Variants in LGI4 observed in about 807,000 individuals in gnomAD.
LGI4 encodes leucine-rich repeat LGI family member 4.
In LGI4, 36 loss-of-function variants were observed where a neutral mutation model predicts 48.3. The ratio of observed to expected loss-of-function variants is 0.75; its 90% CI spans 0.57 to 0.98. The LOEUF is 0.98. Ranked by LOEUF, LGI4 falls within the 50% of genes least tolerant of loss-of-function variation. The probability of loss-of-function intolerance (pLI) is 0.00; values close to 1 mark genes in which losing one functional copy is unlikely to be tolerated. For missense variants in LGI4, 701 were observed against 732.1 expected (o/e 0.96, Z 0.49); for synonymous variants, 355 against 331.6 (o/e 1.07, Z -0.77).
rs1442744831 is a variant in LGI4, at chr19:35,126,350, C to T, written c.1219G>A (p.Glu407Lys). 2 of 1,611,516 alleles carry T rather than the reference C, an allele frequency of 1.2e-6. No individual in the cohort carries two copies. The highest frequency in any genetic ancestry group is 1.3e-5 in the African/African-American group (1 of 74,914). The change falls in exon 8 of 9, where the codon GAG becomes AAG. Residue 407 changes from glutamate (E) to lysine (K), a missense_variant. Physicochemically the swap from Glu to Lys is moderately conservative, Grantham distance 56. Transcript: ENST00000310123. ...AAGTGGCGTGTGGCATAGACATCCT[C>T]GGCCTCGGGGATGTCTGTGCGTCTC... ...FERRTDIPEA[E>K]DVYATRHFQA...
chr19:35,132,996 A>G (rs928850313), intron 3 of LGI4, among the ~76,000 whole-genome samples: 1 of 152,062 alleles, frequency 6.6e-6, no homozygotes, highest in Non-Finnish European at 1.5e-5. Flanking sequence ...CAACACCAAT[A>G]CTGTAATGAC....
At chr19:35,127,044 G>A (rs1329150878) in intron 6 of LGI4, 27 bp from the exon 7 acceptor site, 1 of 1,553,476 alleles carries the variant, frequency 6.4e-7, no homozygotes, top group Non-Finnish European at 8.7e-7. Context: ...GAGTCAGGCA[G>A]GCCCCAGGAC....
intron 6 of LGI4, chr19:35,131,029 G>C (rs2065170694): frequency 1.6e-5 from 9 of 579,814 alleles, no homozygotes; most frequent in Non-Finnish European, 2.7e-5. Flanking sequence ...TCAATGTAAA[G>C]GAGGTGACAT....
Position 35,126,890 on chromosome 19 carries a change from G to A in LGI4, c.756C>T (p.Tyr252=), listed in dbSNP as rs1214783044. 2 of 1,613,354 alleles carry A rather than the reference G, an allele frequency of 1.2e-6. No homozygotes were observed. Among genetic ancestry groups the A allele is most frequent in the Non-Finnish European group, 8.5e-7 (1 of 1,179,914 alleles). ...CCTCGGGCCGGAAGCGCTGCAGGCT[G>A]TAGTCCCAGGAGAGAATCAGGCAGC... ...AGRCLILSWD[Y]SLQRFRPEEE... is the part of the protein sequence containing the mutation. The change falls in exon 7 of 9, where the codon TAC becomes TAT. Residue 252 remains tyrosine (Y), a synonymous_variant. Transcript: ENST00000310123.
At chr19:35,134,434 C>T in intron 1 of LGI4, 77 bp downstream of exon 1, 1 of 1,451,488 alleles carries the variant, frequency 6.9e-7, no homozygotes, top group East Asian at 2.5e-5. Context: ...CCCTGGAGAC[C>T]CGGCACCACA....
intron 2 of LGI4, 98 bp from the exon 3 acceptor site, chr19:35,133,862 G>A (rs901611521): frequency 1.5e-5 from 21 of 1,371,206 alleles, no homozygotes; most frequent in African/African-American, 2.9e-5. Flanking sequence ...GCATGGGCAC[G>A]CAGGTGTGAG....
At chr19:35,127,324 G>A (rs2065147303) in intron 6 of LGI4, among the ~76,000 whole-genome samples, 1 of 152,116 alleles carries the variant, frequency 6.6e-6, no homozygotes, top group African/African-American at 2.4e-5. Context: ...TGAGACTACA[G>A]GTGTGTGCTA....
chr19:35,126,312 C>T lies in LGI4; in HGVS notation c.1257G>A (p.Gly419=). 1 of 1,611,956 alleles carries T rather than the reference C, an allele frequency of 6.2e-7. No individual in the cohort carries two copies. The highest frequency in any genetic ancestry group is 8.5e-7 in the Non-Finnish European group (1 of 1,179,552). The change falls in exon 8 of 9, where the codon GGG becomes GGA. Residue 419 remains glycine (G), a synonymous_variant. Coordinates refer to ENST00000310123, the MANE Select transcript of LGI4 (RefSeq NM_139284.3). ...AGCGTGTGAGGCACAGGAACACGTC[C>T]CCACCAGCCTGGAAGTGGCGTGTGG... is the stretch of plus-strand genomic sequence containing the variant. ...VYATRHFQAG[G]DVFLCLTRYI...
chr19:35,132,438 A>C (rs2065182170), intron 3 of LGI4, among the ~76,000 whole-genome samples: 1 of 150,590 alleles, frequency 6.6e-6, no homozygotes, highest in Non-Finnish European at 1.5e-5. Flanking sequence ...ATACCCTGCC[A>C]CCACCATCAC....
chr19:35,133,877 T>C (rs2065191830), intron 2 of LGI4, 113 bp from the exon 3 acceptor site: 2 of 1,328,334 alleles, frequency 1.5e-6, no homozygotes, highest in Admixed American at 4.0e-5. Flanking sequence ...TGTGAGTATG[T>C]GCATGGACAC....
chr19:35,134,478 C>A, intron 1 of LGI4, 33 bp downstream of exon 1: 1 of 1,559,456 alleles, frequency 6.4e-7, no homozygotes, highest in East Asian at 2.4e-5. Flanking sequence ...CTTCCGTCCC[C>A]ACCTTCGGGC....
rs369943058 is a variant in LGI4, at chr19:35,134,593, G to A, written c.88C>T (p.Arg30Cys). Reference sequence around the variant, plus strand: ...GCGCTGTCTTTAGAGCAGGAGCAGCGCAGGGGACACTTTCCCTTTGGGGGT... The same window carrying A: ...GCGCTGTCTTTAGAGCAGGAGCAGCACAGGGGACACTTTCCCTTTGGGGGT... ...WRPPKGKCPL[R>C]CSCSKDSALC... The change falls in exon 1 of 9, where the codon CGC becomes TGC. Residue 30 changes from arginine (R) to cysteine (C), a missense_variant. Arg to Cys is a radical substitution (Grantham distance 180). This residue lies in a region of LGI4 where 462 missense variants were observed against 436.4 expected (regional missense o/e 1.06). Coordinates refer to ENST00000310123, the MANE Select transcript of LGI4 (RefSeq NM_139284.3). The A allele has an allele frequency of 2.1e-5, 34 of 1,586,010 alleles. No individual in the cohort carries two copies. Among genetic ancestry groups the A allele is most frequent in the Middle Eastern group, 1.7e-4 (1 of 5,902 alleles).
intron 1 of LGI4, 92 bp downstream of exon 1, chr19:35,134,419 T>C (rs1355125323): frequency 2.6e-5 from 35 of 1,321,322 alleles, no homozygotes; most frequent in Non-Finnish European, 3.6e-5. Flanking sequence ...GATGGGCCCC[T>C]GTTTCCCTGG....
chr19:35,125,821 T>C (rs1183342879), intron 8 of LGI4: 1 of 605,502 alleles, frequency 1.7e-6, no homozygotes, highest in African/African-American at 1.8e-5. Flanking sequence ...CCCTGGCCTC[T>C]AGGCTCCTCT....
In LGI4 at chr19:35,125,277, C is replaced by T. The variant is rs759027423; in HGVS notation, c.1530G>A (p.Met510Ile). Residue 510 changes from methionine to isoleucine, a missense_variant, in exon 9 of 9, where the codon ATG becomes ATA. This residue lies in a region of LGI4 where 223 missense variants were observed against 263.3 expected (regional missense o/e 0.85). Transcript: ENST00000310123. ...VAPRAFAHIT[M>I]AGRRFLFAAC... ...CAGCAAAGAGGAAGCGTCTGCCGGC[C>T]ATAGTGATGTGGGCAAAGGCACGGG... The T allele has an allele frequency of 5.0e-6, 8 of 1,604,094 alleles. No homozygotes were observed. The Admixed American group carries it at 1.4e-4, about 28-fold the overall frequency.
intron 6 of LGI4, among the ~76,000 whole-genome samples, chr19:35,130,658 T>C (rs1006166540): frequency 2.6e-5 from 4 of 152,124 alleles, no homozygotes; most frequent in Admixed American, 6.5e-5. Flanking sequence ...GATGGCGCCA[T>C]TGCACTCCAG....
intron 3 of LGI4, 128 bp downstream of exon 3, chr19:35,133,564 AC>A: frequency 6.8e-7 from 1 of 1,479,572 alleles, no homozygotes; most frequent in Non-Finnish European, 9.0e-7. Flanking sequence ...TTTTATCAAC[AC>A]CATCCCACCA....
At chr19:35,131,921 G>T in intron 4 of LGI4, 50 bp downstream of exon 4, 6 of 1,567,470 alleles carry the variant, frequency 3.8e-6, no homozygotes, top group Non-Finnish European at 5.2e-6. Flanking sequence ...TCCCTGGGGG[G>T]TGGAGCATGG....
chr19:35,131,577 G>A (rs962527675), intron 5 of LGI4, 22 bp from the exon 6 acceptor site: 3 of 1,545,474 alleles, frequency 1.9e-6, no homozygotes, highest in Admixed American at 4.0e-5. Context: ...GGCCAGGGAG[G>A]GGCTGCGACC....
Sources: allele counts gnomAD v4.1 joint callset (sites outside exome capture counted in the v4.1 genomes callset), GRCh38; gene constraint gnomAD v4.1.1; regional missense constraint gnomAD v4.1.1; transcripts MANE v1.5; gene names NCBI Gene and HGNC (gene_info 2026-07-23, HGNC 2026-07-21).